NRF1: variants seen among roughly 807,000 people sequenced by gnomAD.
NRF1 encodes the protein alpha palindromic-binding protein.
NRF1 carries 5 observed loss-of-function variants against 58.5 expected under a neutral mutation model. That is an observed-to-expected ratio of 0.09 (90% confidence interval 0.04 to 0.18). The LOEUF is 0.18. Ranked by LOEUF, NRF1 falls within the 10% of genes least tolerant of loss-of-function variation. NRF1 has a pLI of 1.00. For missense variants in NRF1, 288 were observed against 657.7 expected (o/e 0.44, Z 6.15); for synonymous variants, 224 against 246.7 (o/e 0.91, Z 0.86).
chr7:129,625,437 C>A (rs984115068), intron 1 of NRF1, among the ~76,000 whole-genome samples: 4 of 152,072 alleles, frequency 2.6e-5, no homozygotes, highest in Non-Finnish European at 5.9e-5. Context: ...AAGTTTGCAA[C>A]CTTGAGCATG....
intron 1 of NRF1, among the ~76,000 whole-genome samples, chr7:129,615,146 TCA>T (rs1800634669): frequency 6.6e-6 from 1 of 152,238 alleles, no homozygotes; most frequent in Non-Finnish European, 1.5e-5. Flanking sequence ...CTATGAACTG[TCA>T]GTCTTTAGAA....
At chr7:129,647,133 G>A (rs967536193) in intron 1 of NRF1, among the ~76,000 whole-genome samples, 2 of 152,044 alleles carry the variant, frequency 1.3e-5, no homozygotes, top group African/African-American at 2.4e-5. Context: ...CGCCTCCCGG[G>A]TTCAAGCAAT....
intron 2 of NRF1, among the ~76,000 whole-genome samples, chr7:129,667,716 AT>A (rs1203476536): frequency 2.0e-5 from 3 of 150,068 alleles, no homozygotes; most frequent in African/African-American, 7.3e-5. Context: ...AGAAGTTATA[AT>A]TTTTTTAATT....
intron 1 of NRF1, among the ~76,000 whole-genome samples, chr7:129,632,269 G>A (rs997329292): frequency 6.6e-6 from 1 of 152,002 alleles, no homozygotes; most frequent in East Asian, 1.9e-4. Flanking sequence ...GGGAGACCCT[G>A]TCTCTTAAAA....
intron 10 of NRF1, among the ~76,000 whole-genome samples, chr7:129,749,917 T>C (rs1476477617): frequency 3.3e-5 from 5 of 152,140 alleles, no homozygotes; most frequent in Admixed American, 3.3e-4. Flanking sequence ...CAAGGTTGTG[T>C]GTAGCTCTGA....
intron 10 of NRF1, among the ~76,000 whole-genome samples, chr7:129,751,407 A>T (rs1222566546): frequency 6.6e-6 from 1 of 152,124 alleles, no homozygotes; most frequent in Non-Finnish European, 1.5e-5. Context: ...TGGCAGTATC[A>T]GCCAATAGAT....
At chr7:129,646,598 C>G (rs1163696685) in intron 1 of NRF1, among the ~76,000 whole-genome samples, 2 of 152,174 alleles carry the variant, frequency 1.3e-5, no homozygotes, top group Non-Finnish European at 2.9e-5. Flanking sequence ...GGTACTCAAC[C>G]ACCAGGAGAG....
chr7:129,712,114 C>G (rs1201403609), intron 8 of NRF1, among the ~76,000 whole-genome samples: 1 of 145,828 alleles, frequency 6.9e-6, no homozygotes, highest in Non-Finnish European at 1.5e-5. Context: ...GTGGGCTAAA[C>G]ACTCAACCCT....
intron 1 of NRF1, among the ~76,000 whole-genome samples, chr7:129,649,972 C>T (rs1392022692): frequency 6.6e-6 from 1 of 151,980 alleles, no homozygotes; most frequent in Non-Finnish European, 1.5e-5. Context: ...AGGCTTGTCT[C>T]GAACTCCTGG....
At chr7:129,735,125 C>G (rs545226717) in intron 10 of NRF1, 43 of 985,310 alleles carry the variant, frequency 4.4e-5, no homozygotes, top group Non-Finnish European at 5.2e-5. Flanking sequence ...CATCTGTCTC[C>G]GCTGGTCAGC....
chr7:129,648,274 C>CTTTTTTT (rs35513653), intron 1 of NRF1, among the ~76,000 whole-genome samples: 1 of 97,044 alleles, frequency 1.0e-5, no homozygotes. Flanking sequence ...GCATTATTGA[C>CTTTTTTT]TTTTTTTTTT....
At chr7:129,735,229 G>A in intron 10 of NRF1, 1 of 985,428 alleles carries the variant, frequency 1.0e-6, no homozygotes, top group Non-Finnish European at 1.2e-6. Context: ...ATGGACTGGA[G>A]GGCTGTTTAA....
intron 3 of NRF1, among the ~76,000 whole-genome samples, chr7:129,674,623 C>T (rs568237095): frequency 7.2e-5 from 11 of 151,998 alleles, no homozygotes; most frequent in Non-Finnish European, 1.2e-4. Flanking sequence ...TCTGTAAAGA[C>T]GGGGTCTCAC....
chr7:129,627,458 C>A (rs1047630184), intron 1 of NRF1, among the ~76,000 whole-genome samples: 8 of 152,070 alleles, frequency 5.3e-5, no homozygotes, highest in African/African-American at 1.9e-4. Flanking sequence ...TGGGCTCAAG[C>A]AATCCTCCAA....
At chr7:129,630,578 TTTG>T (rs1282823666) in intron 1 of NRF1, among the ~76,000 whole-genome samples, 2 of 152,148 alleles carry the variant, frequency 1.3e-5, no homozygotes, top group Non-Finnish European at 2.9e-5. Flanking sequence ...AGAAATACAT[TTTG>T]TTGTTCCTCT....
chr7:129,630,383 C>G (rs1453353737), intron 1 of NRF1, among the ~76,000 whole-genome samples: 2 of 152,114 alleles, frequency 1.3e-5, no homozygotes, highest in African/African-American at 4.8e-5. Flanking sequence ...CTTTCTGTGT[C>G]TTTAAATTTG....
chr7:129,753,191 T>C (rs907851993), intron 10 of NRF1, among the ~76,000 whole-genome samples: 5 of 152,206 alleles, frequency 3.3e-5, no homozygotes, highest in Admixed American at 3.3e-4. Flanking sequence ...ATTTTTATCT[T>C]CATCAAAGTA....
intron 2 of NRF1, among the ~76,000 whole-genome samples, chr7:129,665,091 G>T (rs1015403536): frequency 2.1e-4 from 32 of 152,240 alleles, no homozygotes; most frequent in African/African-American, 7.2e-4. Context: ...GAGGAGGAAG[G>T]TTGTGACTGA....
At chr7:129,648,447 C>G (rs903365613) in intron 1 of NRF1, among the ~76,000 whole-genome samples, 1 of 151,380 alleles carries the variant, frequency 6.6e-6, no homozygotes, top group Admixed American at 6.6e-5. Context: ...GCCCGGCTAA[C>G]TTTTTGTATT....
Sources: allele counts gnomAD v4.1 joint callset (sites outside exome capture counted in the v4.1 genomes callset), GRCh38; gene constraint gnomAD v4.1.1; transcripts MANE v1.5; gene names NCBI Gene and HGNC (gene_info 2026-07-23, HGNC 2026-07-21).